Variants in STX8 observed in about 807,000 individuals in gnomAD.
STX8 encodes syntaxin 8, also known as syntaxin-8.
STX8 carries 23 observed loss-of-function variants against 37.5 expected under a neutral mutation model. The ratio of observed to expected loss-of-function variants is 0.61; its 90% CI spans 0.44 to 0.87. STX8 has a LOEUF of 0.87. Among genes scored for constraint, STX8 ranks in the 40% least tolerant of loss-of-function variants. STX8 has a pLI of 0.00. For synonymous variants in STX8, 115 were observed against 99.1 expected (o/e 1.16, Z -0.95); for missense variants, 313 against 284.7 (o/e 1.10, Z -0.71).
intron 6 of STX8, among the ~76,000 whole-genome samples, chr17:9,474,304 C>T (rs1354266553): frequency 6.6e-6 from 1 of 152,154 alleles, no homozygotes; most frequent in Non-Finnish European, 1.5e-5. Context: ...AAGTATAGTG[C>T]TTTCCTGAGT....
At chr17:9,364,609 C>T (rs966930878) in intron 7 of STX8, among the ~76,000 whole-genome samples, 3 of 152,122 alleles carry the variant, frequency 2.0e-5, no homozygotes, top group Non-Finnish European at 4.4e-5. Flanking sequence ...TGGCTCACTG[C>T]AACCTCTGCC....
chr17:9,494,116 C>G (rs538675911), intron 5 of STX8, among the ~76,000 whole-genome samples: 23 of 151,622 alleles, frequency 1.5e-4, no homozygotes, highest in African/African-American at 5.5e-4. Flanking sequence ...CCCGGGTTCA[C>G]GCCATTCTCC....
intron 4 of STX8, among the ~76,000 whole-genome samples, chr17:9,527,095 C>T (rs1905605208): frequency 7.1e-6 from 1 of 140,874 alleles, no homozygotes; most frequent in Non-Finnish European, 1.5e-5. Context: ...AGGAGAATGG[C>T]GTGAACCCGG....
intron 6 of STX8, among the ~76,000 whole-genome samples, chr17:9,490,380 TC>T (rs1346391062): frequency 1.3e-5 from 1 of 79,328 alleles, no homozygotes; most frequent in Non-Finnish European, 3.8e-5. Flanking sequence ...TGATAACTTT[TC>T]TTTTTTTTGA....
intron 7 of STX8, among the ~76,000 whole-genome samples, chr17:9,268,997 C>T (rs1261114545): frequency 1.3e-5 from 2 of 152,044 alleles, no homozygotes; most frequent in Non-Finnish European, 2.9e-5. Context: ...ACCATCCTGG[C>T]TAAAACGGTG....
At chr17:9,542,570 G>C (rs1019280762) in intron 4 of STX8, among the ~76,000 whole-genome samples, 3 of 151,930 alleles carry the variant, frequency 2.0e-5, no homozygotes, top group Middle Eastern at 3.4e-3. Flanking sequence ...CCAGCTACTC[G>C]GGAGGCTGAG....
chr17:9,362,648 C>T (rs1911096156), intron 7 of STX8, among the ~76,000 whole-genome samples: 1 of 151,878 alleles, frequency 6.6e-6, no homozygotes, highest in East Asian at 1.9e-4. Flanking sequence ...GAAACCCCGT[C>T]TCTACTAAAC....
intron 6 of STX8, among the ~76,000 whole-genome samples, chr17:9,465,374 G>C (rs957325305): frequency 2.0e-5 from 3 of 152,244 alleles, no homozygotes; most frequent in Admixed American, 6.5e-5. Context: ...TCATGTCTAC[G>C]TTACTGCCTG....
intron 4 of STX8, among the ~76,000 whole-genome samples, chr17:9,542,473 C>T (rs930826054): frequency 5.3e-5 from 8 of 151,932 alleles, no homozygotes; most frequent in African/African-American, 1.9e-4. Context: ...GTCAGGAAAT[C>T]GAGACCATCC....
chr17:9,458,505 C>T (rs1417398972), intron 6 of STX8, among the ~76,000 whole-genome samples: 1 of 152,212 alleles, frequency 6.6e-6, no homozygotes, highest in Non-Finnish European at 1.5e-5. Flanking sequence ...TTTTCTACCA[C>T]ATTCTTCAAA....
At chr17:9,509,813 A>G (rs1041797571) in intron 4 of STX8, among the ~76,000 whole-genome samples, 5 of 143,208 alleles carry the variant, frequency 3.5e-5, no homozygotes, top group Non-Finnish European at 6.0e-5. Context: ...TATCTCATTA[A>G]AAGACATAGA....
intron 4 of STX8, among the ~76,000 whole-genome samples, chr17:9,509,469 TAAA>T (rs1904953370): frequency 1.3e-5 from 2 of 150,086 alleles, no homozygotes; most frequent in Non-Finnish European, 3.0e-5. Context: ...GAAAGAGAAA[TAAA>T]ATCTTTCACA....
intron 6 of STX8, among the ~76,000 whole-genome samples, chr17:9,435,164 C>G (rs957795333): frequency 6.6e-5 from 10 of 152,058 alleles, no homozygotes; most frequent in African/African-American, 2.4e-4. Flanking sequence ...AGATAAAGAA[C>G]AAAAGGAATG....
chr17:9,397,038 T>C (rs1002755401), intron 6 of STX8, among the ~76,000 whole-genome samples: 6 of 152,202 alleles, frequency 3.9e-5, no homozygotes, highest in Non-Finnish European at 7.3e-5. Context: ...GTTGGTAAAG[T>C]TGTTTCCCAC....
rs1405448041 is a variant in STX8 at position 9,477,110 on chromosome 17, G to A, written c.541+14719C>T. 2.6e-5 allele frequency among the ~76,000 whole-genome samples: 4 copies of A among 151,984 alleles called. No homozygotes were observed. The South Asian group carries it at 6.2e-4, about 24-fold the overall frequency. ...TGGGCCTAAGTAATCCACCTACCTC[G>A]ACTTCTCAAAGTGCTAGGATTACAG... On this transcript the variant is annotated intron_variant, in intron 6 of 7. Coordinates refer to ENST00000306357, the MANE Select transcript of STX8 (RefSeq NM_004853.3).
At chr17:9,500,665 A>G (rs1904577061) in intron 5 of STX8, among the ~76,000 whole-genome samples, 2 of 152,202 alleles carry the variant, frequency 1.3e-5, no homozygotes, top group African/African-American at 4.8e-5. Context: ...TTTGATATAC[A>G]AGCAACAATT....
intron 6 of STX8, among the ~76,000 whole-genome samples, chr17:9,457,550 T>C (rs112756548): frequency 0.015 from 2,347 of 152,364 alleles, 34 homozygotes; most frequent in Middle Eastern, 0.058. Flanking sequence ...CTGCAAAGTC[T>C]CTGGCCACGT....
At chr17:9,421,755 C>T (rs75434944) in intron 6 of STX8, among the ~76,000 whole-genome samples, 1,924 of 152,186 alleles carry the variant, frequency 0.013, 15 homozygotes, top group Middle Eastern at 0.024. Context: ...TCCCCATGGC[C>T]GCATGACATG....
At chr17:9,520,212 T>C (rs1269419091) in intron 4 of STX8, among the ~76,000 whole-genome samples, 1 of 152,202 alleles carries the variant, frequency 6.6e-6, no homozygotes, top group Non-Finnish European at 1.5e-5. Context: ...CATTTAACAT[T>C]TTTATCTTGA....
Sources: allele counts gnomAD v4.1 joint callset (sites outside exome capture counted in the v4.1 genomes callset), GRCh38; gene constraint gnomAD v4.1.1; transcripts MANE v1.5; gene names NCBI Gene and HGNC (gene_info 2026-07-23, HGNC 2026-07-21).